CCSER2: variants seen among roughly 807,000 people sequenced by gnomAD.
CCSER2 encodes serine-rich coiled-coil domain-containing protein 2.
A neutral mutation model predicts 92.3 loss-of-function variants in CCSER2; 46 were observed. The ratio of observed to expected loss-of-function variants is 0.50; its 90% CI spans 0.39 to 0.64. CCSER2 has a LOEUF of 0.64. Ranked by LOEUF, CCSER2 falls within the 30% of genes least tolerant of loss-of-function variation. The pLI is 0.00. For synonymous variants in CCSER2, 433 were observed against 431.4 expected, an observed-to-expected ratio of 1.00 and a Z score of -0.04; for missense variants, 1,244 against 1,238.9, an observed-to-expected ratio of 1.00 and a Z score of -0.06.
intron 3 of CCSER2, among the ~76,000 whole-genome samples, chr10:84,402,741 T>A (rs1842185241): frequency 6.6e-6 from 1 of 152,200 alleles, no homozygotes; most frequent in South Asian, 2.1e-4. Flanking sequence ...AAGACAAATA[T>A]GTCCATTCTC....
chr10:84,397,895 G>A (rs1026176917), intron 3 of CCSER2, among the ~76,000 whole-genome samples: 1 of 152,194 alleles, frequency 6.6e-6, no homozygotes, highest in Admixed American at 6.5e-5. Context: ...ATTATAGAAA[G>A]TGAATGCAGT....
intron 4 of CCSER2, among the ~76,000 whole-genome samples, chr10:84,423,826 G>C (rs953706421): frequency 3.9e-5 from 6 of 151,910 alleles, no homozygotes; most frequent in African/African-American, 1.5e-4. Context: ...ATATGATGTT[G>C]CTAAAGGCAC....
At chr10:84,406,497 TCA>T in intron 3 of CCSER2, among the ~76,000 whole-genome samples, 1 of 152,308 alleles carries the variant, frequency 6.6e-6, no homozygotes, top group Non-Finnish European at 1.5e-5. Context: ...ACCCACCGTC[TCA>T]CAGTTCACTC....
intron 1 of CCSER2, among the ~76,000 whole-genome samples, chr10:84,333,710 G>A (rs1272856753): frequency 6.6e-6 from 1 of 152,192 alleles, no homozygotes; most frequent in Non-Finnish European, 1.5e-5. Flanking sequence ...TAAACCTTGA[G>A]GTGGAAGTGG....
chr10:84,396,862 C>T (rs1032839860), intron 3 of CCSER2, among the ~76,000 whole-genome samples: 12 of 152,086 alleles, frequency 7.9e-5, no homozygotes, highest in South Asian at 2.1e-4. Context: ...CTTTTTGTAC[C>T]GCTGTATACT....
chr10:84,403,356 A>G (rs539243158), intron 3 of CCSER2, among the ~76,000 whole-genome samples: 78 of 152,324 alleles, frequency 5.1e-4, no homozygotes, highest in African/African-American at 1.8e-3. Context: ...AATATAGAAG[A>G]AAATCGTTAG....
At chr10:84,460,427 A>T (rs1472842567) in intron 6 of CCSER2, among the ~76,000 whole-genome samples, 1 of 151,924 alleles carries the variant, frequency 6.6e-6, no homozygotes, top group Non-Finnish European at 1.5e-5. Context: ...TACATGAAGA[A>T]TATTGATCTG....
In CCSER2 at chr10:84,355,857, C is replaced by T. The variant is rs187912238; in HGVS notation, c.-39-15157C>T. On this transcript the variant is annotated intron_variant, in intron 1 of 9. Transcript: ENST00000372088. ...GTGGCTCACGCCTGTAATCCCAGCA[C>T]TTTTGGAGGCTGAGGTGGGTGGATC... Among the ~76,000 whole-genome samples, 337 of 152,232 alleles carry T rather than the reference C, an allele frequency of 2.2e-3. 1 individual carries two copies. Among genetic ancestry groups the T allele is most frequent in the Non-Finnish European group, 3.6e-3 (245 of 68,004 alleles).
chr10:84,346,360 A>G (rs1844477612), intron 1 of CCSER2, among the ~76,000 whole-genome samples: 1 of 152,060 alleles, frequency 6.6e-6, no homozygotes. Context: ...CACCGCACCC[A>G]GCCATGTATT....
chr10:84,366,351 T>G, intron 1 of CCSER2, among the ~76,000 whole-genome samples: 1 of 152,182 alleles, frequency 6.6e-6, no homozygotes, highest in East Asian at 1.9e-4. Flanking sequence ...TTAATTTACA[T>G]TAAGAGATTA....
At chr10:84,424,349 G>T (rs1018240005) in intron 4 of CCSER2, among the ~76,000 whole-genome samples, 2 of 150,682 alleles carry the variant, frequency 1.3e-5, no homozygotes, top group Admixed American at 1.3e-4. Flanking sequence ...CAAATGTAAG[G>T]CTTCTTTTAA....
intron 7 of CCSER2, among the ~76,000 whole-genome samples, chr10:84,469,593 T>C (rs1333544766): frequency 3.3e-5 from 5 of 152,154 alleles, no homozygotes; most frequent in African/African-American, 1.2e-4. Context: ...GTTATTCACA[T>C]CTATATTTGA....
chr10:84,410,345 C>T (rs190723447), intron 3 of CCSER2, among the ~76,000 whole-genome samples: 2 of 152,320 alleles, frequency 1.3e-5, no homozygotes, highest in African/African-American at 4.8e-5. Flanking sequence ...ACCACACCAT[C>T]TATCACAATG....
chr10:84,373,166 A>C (rs1846157037), intron 2 of CCSER2, among the ~76,000 whole-genome samples: 1 of 152,118 alleles, frequency 6.6e-6, no homozygotes, highest in African/African-American at 2.4e-5. Flanking sequence ...ATGCATGTAC[A>C]AACCCTTGAT....
Position 84,491,324 on chromosome 10 carries a change from C to T in CCSER2, c.2325+13660C>T, listed in dbSNP as rs531996155. Among the ~76,000 whole-genome samples, 7 of 152,316 alleles carry T rather than the reference C, an allele frequency of 4.6e-5. No homozygotes were observed. The South Asian group carries it at 1.4e-3, about 32-fold the overall frequency. ...TTCTGCTGCCTTTTGTTTGGCTGTG[C>T]CCTGCCCCCAGAGGTGGAGTCTACA... On this transcript the variant is annotated intron_variant, in intron 9 of 9. Coordinates refer to ENST00000372088, the MANE Select transcript of CCSER2 (RefSeq NM_001284240.2).
intron 8 of CCSER2, chr10:84,472,948 G>T (rs917722356): frequency 6.6e-6 from 1 of 152,094 alleles, no homozygotes; most frequent in African/African-American, 2.4e-5. Context: ...GTCAGTCTAG[G>T]ACTATGCACA....
Position 84,463,933 on chromosome 10 carries a change from C to T in CCSER2, c.2065C>T (p.His689Tyr). The T allele has an allele frequency of 6.3e-7, 1 of 1,598,632 alleles. No individual in the cohort carries two copies. The highest frequency in any genetic ancestry group is 8.6e-7 in the Non-Finnish European group (1 of 1,166,936). Residue 689 changes from histidine to tyrosine, a missense_variant and splice_region_variant, in exon 7 of 10, where the codon CAT becomes TAT. Coordinates refer to ENST00000372088, the MANE Select transcript of CCSER2 (RefSeq NM_001284240.2). ...LLKLKRLLHQ[H>Y]DGSGSLHDIQ... The stretch of plus-strand genomic sequence containing the variant: ...GTTTTTCTTCCCTTCTTTCTGACAG[C>T]ATGATGGAAGTGGTTCATTGCATGA...
At chr10:84,420,979 G>T (rs1311140022) in intron 4 of CCSER2, among the ~76,000 whole-genome samples, 1 of 147,256 alleles carries the variant, frequency 6.8e-6, no homozygotes, top group Non-Finnish European at 1.5e-5. Context: ...GAACTATAAT[G>T]AATTGCCACT....
rs551355079 is a variant in CCSER2 at position 84,425,769 on chromosome 10, A to G, written c.1744A>G (p.Arg582Gly). 20 of 1,613,678 alleles carry G rather than the reference A, an allele frequency of 1.2e-5. No individual in the cohort carries two copies. The East Asian group carries it at 1.3e-4, about 11-fold the overall frequency. Reference protein sequence around the residue: ...DNMNRFDRPDRNVRQPQEGFW... With the variant: ...DNMNRFDRPDGNVRQPQEGFW... ...TATGAACCGCTTTGACCGACCAGAC[A>G]GAAATGTTCGGCAGCCTCAGGAAGG... The change falls in exon 5 of 10, where the codon AGA (arginine) becomes GGA (glycine). Residue 582 changes from arginine to glycine, a missense_variant. Arg to Gly is a moderately radical substitution (Grantham distance 125). Transcript: ENST00000372088.
Sources: allele counts gnomAD v4.1 joint callset (sites outside exome capture counted in the v4.1 genomes callset), GRCh38; gene constraint gnomAD v4.1.1; transcripts MANE v1.5; gene names NCBI Gene and HGNC (gene_info 2026-07-23, HGNC 2026-07-21).